The following CPEB1 variants were observed in gnomAD, a reference collection of about 807,000 sequenced individuals.
The protein encoded by CPEB1 is cytoplasmic polyadenylation element binding protein 1.
Under a neutral mutation model 65.8 loss-of-function variants are expected in CPEB1, and 7 were observed. The observed-to-expected ratio is 0.11, with a 90% CI of 0.06 to 0.20. CPEB1 has a LOEUF of 0.20. CPEB1 is among the 10% of genes least tolerant of loss of function. CPEB1 has a pLI of 1.00. For missense variants in CPEB1, 551 were observed against 712.2 expected (o/e 0.77, Z 2.58); for synonymous variants, 262 against 260.0 (o/e 1.01, Z -0.08).
At chr15:82,623,467 C>G (rs996895318) in intron 3 of CPEB1, among the ~76,000 whole-genome samples, 2 of 152,182 alleles carry the variant, frequency 1.3e-5, no homozygotes, top group African/African-American at 4.8e-5. Flanking sequence ...CACTTGAGGT[C>G]AGGAGTTCAA....
At position 82,545,601 on chromosome 15, in the gene CPEB1, T is replaced by TC. The variant is rs112683758; in HGVS notation, c.1656+839dup. On this transcript the variant is annotated intron_variant, in intron 12 of 12. Transcript: ENST00000684509. ...GAATCTAAGATCCTCAGGTGATGTG[T>TC]CTGTAATTAAGGTTTGAGAAGCACT... Among the ~76,000 whole-genome samples, 657 of 152,214 alleles carry TC rather than the reference T, an allele frequency of 4.3e-3. 4 individuals carry two copies. The highest frequency in any genetic ancestry group is 0.015 in the African/African-American group (620 of 41,528).
intron 3 of CPEB1, among the ~76,000 whole-genome samples, chr15:82,600,691 T>C (rs2043027412): frequency 6.6e-6 from 1 of 151,970 alleles, no homozygotes; most frequent in African/African-American, 2.4e-5. Flanking sequence ...TCCCTAGGTG[T>C]AGCCACAAAA....
At chr15:82,569,335 G>A (rs1185466651) in intron 4 of CPEB1, among the ~76,000 whole-genome samples, 1 of 152,126 alleles carries the variant, frequency 6.6e-6, no homozygotes, top group Non-Finnish European at 1.5e-5. Flanking sequence ...ATTAGGGATG[G>A]GTGTGTCCTC....
intron 3 of CPEB1, 68 bp from the exon 4 acceptor site, chr15:82,571,600 T>C: frequency 6.5e-7 from 1 of 1,532,518 alleles, no homozygotes; most frequent in Non-Finnish European, 8.8e-7. Context: ...TTATCAACAG[T>C]AAATATTATT....
At chr15:82,635,448 TTC>T (rs1179830184) in intron 1 of CPEB1, among the ~76,000 whole-genome samples, 2 of 152,218 alleles carry the variant, frequency 1.3e-5, no homozygotes, top group Non-Finnish European at 2.9e-5. Context: ...TGAGAGATGC[TTC>T]TCTGTGTTTA....
rs552089999 is a variant in CPEB1, at chr15:82,555,779, T to C, written c.940+91A>G. 1.3e-5 allele frequency: 19 copies of C among 1,419,248 alleles called. No homozygotes were observed. In the African/African-American group the frequency reaches 2.8e-4, roughly 21 times the overall value. 87.9% of individuals were successfully genotyped at this position (1,419,248 alleles called of 1,614,324 possible). On this transcript the variant is annotated intron_variant, in intron 6 of 12. Transcript: ENST00000684509. ...CTTCACCATGCAACCAAGCCTCCTC[T>C]AGACAGTTCACAAGTGTGTGAACTA... is the stretch of plus-strand genomic sequence containing the variant.
chr15:82,586,538 G>A (rs991852006), intron 3 of CPEB1, among the ~76,000 whole-genome samples: 4 of 152,060 alleles, frequency 2.6e-5, no homozygotes, highest in African/African-American at 4.8e-5. Flanking sequence ...CCTTCTCTGC[G>A]TTTTTGGTCA....
intron 3 of CPEB1, among the ~76,000 whole-genome samples, chr15:82,574,722 C>CAAAAAAAAAAAAAA (rs534968367): frequency 4.3e-4 from 23 of 53,496 alleles, no homozygotes; most frequent in Admixed American, 6.5e-4. Flanking sequence ...GACTCGGTCT[C>CAAAAAAAAAAAAAA]AAAAAAAAAA....
chr15:82,593,963 T>C (rs1444813089), intron 3 of CPEB1, among the ~76,000 whole-genome samples: 1 of 152,222 alleles, frequency 6.6e-6, no homozygotes, highest in Non-Finnish European at 1.5e-5. Flanking sequence ...AGATGTGCTG[T>C]CATGACTTTA....
chr15:82,558,070 CAA>C (rs1476040480), intron 4 of CPEB1, 84 bp from the exon 5 acceptor site: 3 of 889,904 alleles, frequency 3.4e-6, no homozygotes, highest in African/African-American at 1.7e-5. Context: ...AGCCACCCAA[CAA>C]GAGATACCAA....
chr15:82,622,123 C>G (rs937379417), intron 3 of CPEB1, among the ~76,000 whole-genome samples: 2 of 152,094 alleles, frequency 1.3e-5, no homozygotes, highest in Non-Finnish European at 2.9e-5. Flanking sequence ...TCACAGATTC[C>G]AAAAGGTCTA....
chr15:82,630,006 T>C (rs2046105959), intron 1 of CPEB1: 1 of 985,462 alleles, frequency 1.0e-6, no homozygotes, highest in African/African-American at 1.7e-5. Context: ...CATTGAGAAC[T>C]GTTAAATCCA....
upstream of CPEB1, chr15:82,647,804 C>T (rs1233701643): frequency 5.5e-6 from 7 of 1,276,580 alleles, no homozygotes; most frequent in East Asian, 9.7e-5. Flanking sequence ...GGACCGTTAG[C>T]TACTGCGGCC....
intron 1 of CPEB1, among the ~76,000 whole-genome samples, chr15:82,636,576 A>C (rs1342926295): frequency 6.6e-6 from 1 of 152,244 alleles, no homozygotes; most frequent in Admixed American, 6.5e-5. Context: ...TTTCATACCA[A>C]AACACCTCAA....
At chr15:82,577,906 C>T (rs879919176) in intron 3 of CPEB1, among the ~76,000 whole-genome samples, 9 of 151,990 alleles carry the variant, frequency 5.9e-5, no homozygotes, top group African/African-American at 1.7e-4. Flanking sequence ...TTTGGGAGGC[C>T]GAGGCAGGTG....
At chr15:82,556,992 T>C (rs543859048) in intron 5 of CPEB1, among the ~76,000 whole-genome samples, 34 of 152,330 alleles carry the variant, frequency 2.2e-4, no homozygotes, top group Non-Finnish European at 4.3e-4. Flanking sequence ...CTCGGGAGAT[T>C]TGGCAACAAA....
intron 3 of CPEB1, among the ~76,000 whole-genome samples, chr15:82,595,976 G>A (rs1370308731): frequency 6.6e-6 from 1 of 152,186 alleles, no homozygotes; most frequent in East Asian, 1.9e-4. Flanking sequence ...GGGGCCGAGG[G>A]ACATGTGAAG....
chr15:82,581,248 G>C (rs1392999923), intron 3 of CPEB1, among the ~76,000 whole-genome samples: 1 of 152,162 alleles, frequency 6.6e-6, no homozygotes, highest in African/African-American at 2.4e-5. Flanking sequence ...GAGTAGCTGG[G>C]ACTACAGGTG....
intron 8 of CPEB1, among the ~76,000 whole-genome samples, chr15:82,553,081 C>T (rs1044880557): frequency 1.3e-5 from 2 of 152,210 alleles, no homozygotes; most frequent in Non-Finnish European, 1.5e-5. Flanking sequence ...CTCATTCCTG[C>T]CAACTCCAAA....
Sources: gnomAD v4.1 joint callset for allele counts (sites outside exome capture counted in the v4.1 genomes callset) on GRCh38, gnomAD v4.1.1 for gene constraint, MANE v1.5 for transcripts, NCBI Gene and HGNC (gene_info 2026-07-23, HGNC 2026-07-21) for gene names.